Variants in KLF8 observed in about 807,000 individuals in gnomAD.
KLF8 encodes the protein KLF transcription factor 8.
In KLF8, 10 loss-of-function variants were observed where a neutral mutation model predicts 18.2. The observed-to-expected ratio is 0.55, with a 90% CI of 0.34 to 0.93. The LOEUF (loss-of-function observed/expected upper bound fraction) is 0.93, where lower values mean the gene tolerates loss of function less well. Ranked by LOEUF, KLF8 falls within the 40% of genes least tolerant of loss-of-function variation. The pLI, the probability that KLF8 is intolerant of heterozygous loss-of-function variation, is 0.02. For synonymous variants in KLF8, 109 were observed against 97.3 expected (o/e 1.12, Z -0.71); for missense variants, 264 against 277.9 (o/e 0.95, Z 0.36).
chrX:56,183,235 G>A, the KLF8 span, among the ~76,000 whole-genome samples: 1 of 112,104 alleles, frequency 8.9e-6, no homozygotes, highest in Non-Finnish European at 1.9e-5. Context: ...TACTAGCAGT[G>A]AGCAAGGCTC....
the KLF8 span, among the ~76,000 whole-genome samples, chrX:56,185,073 T>C: frequency 8.9e-6 from 1 of 111,788 alleles, no homozygotes; most frequent in Non-Finnish European, 1.9e-5. Context: ...ATCAAACTAC[T>C]CTGAGCTACA....
chrX:56,075,808 A>T, the KLF8 span, among the ~76,000 whole-genome samples: 1 of 111,961 alleles, frequency 8.9e-6, no homozygotes, highest in African/African-American at 3.2e-5. Flanking sequence ...TAACATAATG[A>T]TCTCCAGTTC....
At chrX:55,921,459 C>T in the KLF8 span, among the ~76,000 whole-genome samples, 1 of 111,732 alleles carries the variant, frequency 8.9e-6, no homozygotes, top group African/African-American at 3.3e-5. Context: ...GTATTGTTTG[C>T]AGTCAGGTAG....
At chrX:55,986,893 C>T in the KLF8 span, among the ~76,000 whole-genome samples, 1 of 111,526 alleles carries the variant, frequency 9.0e-6, no homozygotes, top group East Asian at 2.8e-4. Flanking sequence ...TTTCTGTTTT[C>T]TCTTAATTTG....
At chrX:56,085,863 T>G in the KLF8 span, among the ~76,000 whole-genome samples, 1 of 112,073 alleles carries the variant, frequency 8.9e-6, no homozygotes, top group Non-Finnish European at 1.9e-5. Flanking sequence ...CATGGCAAGA[T>G]GGCAGCTTGA....
the KLF8 span, among the ~76,000 whole-genome samples, chrX:56,105,973 A>G: frequency 2.7e-5 from 3 of 111,383 alleles, no homozygotes; most frequent in Non-Finnish European, 3.8e-5. Flanking sequence ...TCATTCACTT[A>G]TGAAGCTGAA....
the KLF8 span, among the ~76,000 whole-genome samples, chrX:56,010,502 A>G: frequency 3.6e-5 from 4 of 112,114 alleles, no homozygotes; most frequent in Admixed American, 2.8e-4. Context: ...CAGCCACTAC[A>G]AAAACACAAT....
the KLF8 span, among the ~76,000 whole-genome samples, chrX:56,033,706 A>G: frequency 5.4e-5 from 6 of 111,641 alleles, no homozygotes; most frequent in African/African-American, 2.0e-4. Context: ...CCACCATCAC[A>G]GGCATGAGGT....
chrX:56,169,655 C>G, the KLF8 span, among the ~76,000 whole-genome samples: 1 of 111,322 alleles, frequency 9.0e-6, no homozygotes, highest in African/African-American at 3.3e-5. Context: ...GTTATGAGTG[C>G]CAGCTCAGCT....
the KLF8 span, among the ~76,000 whole-genome samples, chrX:56,215,643 T>G: frequency 7.5e-5 from 8 of 106,588 alleles, no homozygotes; most frequent in Non-Finnish European, 1.5e-4. Context: ...GCCAACATGG[T>G]GAAACCCTGT....
At chrX:55,961,556 G>A in the KLF8 span, 3 of 534,147 alleles carry the variant, frequency 5.6e-6, no homozygotes, top group South Asian at 2.3e-5. Context: ...GGTGAGAATA[G>A]TGAAGTGTTG....
chrX:56,034,880 C>T, the KLF8 span, among the ~76,000 whole-genome samples: 1 of 104,103 alleles, frequency 9.6e-6, no homozygotes, highest in Middle Eastern at 4.9e-3. Flanking sequence ...CTCAGCCTCC[C>T]GAGTAGCTGG....
the KLF8 span, among the ~76,000 whole-genome samples, chrX:56,214,469 A>G: frequency 8.9e-6 from 1 of 112,502 alleles, no homozygotes; most frequent in South Asian, 3.7e-4. Context: ...CCAGTATTTC[A>G]GAATGTGACC....
intron 5 of KLF8, among the ~76,000 whole-genome samples, chrX:56,276,914 C>A (rs892320816): frequency 9.0e-6 from 1 of 111,612 alleles, no homozygotes; most frequent in Non-Finnish European, 1.9e-5. Context: ...TTTCTAGATC[C>A]TATAGTTGTT....
the KLF8 span, among the ~76,000 whole-genome samples, chrX:56,109,536 T>C: frequency 1.8e-5 from 2 of 111,674 alleles, no homozygotes; most frequent in Non-Finnish European, 3.8e-5. Context: ...TGTCCTCTCT[T>C]CTCTTGTTGA....
chrX:56,030,455 C>A, the KLF8 span, among the ~76,000 whole-genome samples: 3 of 111,520 alleles, frequency 2.7e-5, no homozygotes, highest in African/African-American at 9.8e-5. Flanking sequence ...TAGTTTGGAG[C>A]AAGTCAATTA....
At chrX:56,235,380 A>C (rs1426748670) in intron 1 of KLF8, among the ~76,000 whole-genome samples, 1 of 107,391 alleles carries the variant, frequency 9.3e-6, no homozygotes, top group Non-Finnish European at 1.9e-5. Context: ...TTGTTTATTC[A>C]AAGACAGTGT....
chrX:55,948,542 A>G, the KLF8 span, among the ~76,000 whole-genome samples: 2 of 112,195 alleles, frequency 1.8e-5, no homozygotes, highest in Non-Finnish European at 3.8e-5. Context: ...CATATATAGC[A>G]TATAGCAACT....
the KLF8 span, among the ~76,000 whole-genome samples, chrX:56,106,548 G>A: frequency 7.1e-5 from 8 of 112,223 alleles, no homozygotes; most frequent in African/African-American, 2.6e-4. Context: ...TTGTGCCATG[G>A]TTTTCAGCTC....
Sources: gnomAD v4.1 joint callset for allele counts (sites outside exome capture counted in the v4.1 genomes callset) on GRCh38, gnomAD v4.1.1 for gene constraint, MANE v1.5 for transcripts, NCBI Gene and HGNC (gene_info 2026-07-23, HGNC 2026-07-21) for gene names.